The following DHX57 variants were observed in gnomAD, a reference collection of about 807,000 sequenced individuals.
DHX57 encodes putative ATP-dependent RNA helicase DHX57.
DHX57 carries 105 observed loss-of-function variants against 156.2 expected under a neutral mutation model. The ratio of observed to expected loss-of-function variants is 0.67; its 90% CI spans 0.57 to 0.79. DHX57 has a LOEUF of 0.79. Among genes scored for constraint, DHX57 ranks in the 30% least tolerant of loss-of-function variants. The pLI, the probability that DHX57 is intolerant of heterozygous loss-of-function variation, is 0.00. For missense variants in DHX57, 1,847 were observed against 1,661.9 expected (o/e 1.11, Z -1.94); for synonymous variants, 704 against 595.6 (o/e 1.18, Z -2.65).
intron 17 of DHX57, among the ~76,000 whole-genome samples, chr2:38,822,684 C>T (rs186363435): frequency 1.3e-5 from 2 of 152,290 alleles, no homozygotes; most frequent in Non-Finnish European, 2.9e-5. Context: ...CATAAGCCAC[C>T]GCGCTTGGCC....
At chr2:38,864,748 C>T (rs1664968832) in intron 2 of DHX57, among the ~76,000 whole-genome samples, 1 of 152,158 alleles carries the variant, frequency 6.6e-6, no homozygotes, top group Admixed American at 6.5e-5. Context: ...CATCTCTCCT[C>T]CCTCTAGCTC....
At chr2:38,842,875 G>T (rs1052936050) in intron 12 of DHX57, 130 bp downstream of exon 12, 1 of 928,344 alleles carries the variant, frequency 1.1e-6, no homozygotes, top group Admixed American at 2.5e-5. Flanking sequence ...TAGGTTTAAG[G>T]TTGCTCTGAT....
chr2:38,861,950 T>C (rs1385380615), intron 4 of DHX57, 113 bp from the exon 5 acceptor site: 6 of 1,288,312 alleles, frequency 4.7e-6, no homozygotes, highest in African/African-American at 1.5e-5. Flanking sequence ...TAGGCAGGGC[T>C]TGTATTTTGA....
intron 5 of DHX57, among the ~76,000 whole-genome samples, chr2:38,860,700 C>A (rs909116462): frequency 3.3e-5 from 5 of 152,134 alleles, no homozygotes; most frequent in Non-Finnish European, 7.4e-5. Context: ...TTAAATAAAA[C>A]AGATTTTCTG....
intron 3 of DHX57, chr2:38,862,794 T>A (rs2124934709): frequency 6.5e-6 from 1 of 154,342 alleles, no homozygotes; most frequent in South Asian, 2.1e-4. Flanking sequence ...TGCTACATAA[T>A]CTCCCTTTCT....
At chr2:38,845,969 G>A (rs1340741399) in intron 11 of DHX57, among the ~76,000 whole-genome samples, 1 of 151,206 alleles carries the variant, frequency 6.6e-6, no homozygotes, top group Admixed American at 6.6e-5. Flanking sequence ...AGGTTCAAGC[G>A]ATTCTCCTGC....
In DHX57 at chr2:38,862,299, G is replaced by T. The variant is rs140614624; in HGVS notation, c.418C>A (p.Pro140Thr). The change falls in exon 4 of 24, where the codon CCT becomes ACT. Residue 140 changes from proline to threonine, a missense_variant. Coordinates refer to ENST00000457308, the MANE Select transcript of DHX57 (RefSeq NM_198963.3). Reference sequence around the variant, plus strand: ...TACCGCTCATCGTTACAGCAATCAGGCTCATCATCTTCCTCCTCCCCAGAA... The same window carrying T: ...TACCGCTCATCGTTACAGCAATCAGTCTCATCATCTTCCTCCTCCCCAGAA... ...GLSGEEEDDE[P>T]DCCNDERYWP... is the part of the protein sequence containing the mutation. The T allele has an allele frequency of 3.4e-5, 55 of 1,598,824 alleles. No individual in the cohort carries two copies. The African/African-American group carries it at 5.8e-4, about 17-fold the overall frequency.
chr2:38,853,861 G>T, intron 9 of DHX57, 193 bp downstream of exon 9: 1 of 450,108 alleles, frequency 2.2e-6, no homozygotes, highest in Non-Finnish European at 4.0e-6. Context: ...TAAGTGATGA[G>T]CATGTGCTGT....
intron 3 of DHX57, chr2:38,862,572 C>G (rs530245682): frequency 1.3e-4 from 42 of 333,510 alleles, no homozygotes; most frequent in Non-Finnish European, 1.8e-4. Flanking sequence ...TTCCCAATAA[C>G]TGTACCAAAT....
At chr2:38,810,651 C>G (rs1670195960) in intron 21 of DHX57, 1 of 673,386 alleles carries the variant, frequency 1.5e-6, no homozygotes, top group Non-Finnish European at 2.8e-6. Context: ...CCACTCGGTC[C>G]TGGGACTTGG....
intron 1 of DHX57, among the ~76,000 whole-genome samples, chr2:38,870,560 A>G (rs1665303481): frequency 6.6e-6 from 1 of 152,228 alleles, no homozygotes; most frequent in Non-Finnish European, 1.5e-5. Flanking sequence ...GCAGAAGGTA[A>G]TGACATATAT....
At chr2:38,855,558 A>G (rs1396071167) in intron 7 of DHX57, among the ~76,000 whole-genome samples, 1 of 152,192 alleles carries the variant, frequency 6.6e-6, no homozygotes, top group Non-Finnish European at 1.5e-5. Flanking sequence ...ATGAACCCCA[A>G]AGAAAAGGAG....
intron 1 of DHX57, among the ~76,000 whole-genome samples, chr2:38,870,200 G>C (rs1302951732): frequency 3.9e-5 from 6 of 152,040 alleles, no homozygotes; most frequent in Non-Finnish European, 1.5e-5. Flanking sequence ...AAAGTGAACA[G>C]AGCCTTGGAA....
rs144349702 is a variant in DHX57 at position 38,818,891 on chromosome 2, C to T, written c.3457G>A (p.Gly1153Arg). 1.9e-4 allele frequency: 300 copies of T among 1,614,024 alleles called. 1 individual carries two copies. Among genetic ancestry groups the T allele is most frequent in the Non-Finnish European group, 2.4e-4 (283 of 1,180,032 alleles). ...YNYCRQNFLS[G>R]RVLQEMASLK... is the part of the protein sequence containing the mutation. ...ACACAACTCACCTGCAGAACTCTTC[C>T]AGACAAGAAGTTTTGTCTGCAGTAA... Residue 1153 changes from glycine (G) to arginine (R), a missense_variant, in exon 19 of 24, where the codon GGA becomes AGA. Gly to Arg is a moderately radical substitution (Grantham distance 125). Coordinates refer to ENST00000457308, the MANE Select transcript of DHX57 (RefSeq NM_198963.3).
Position 38,863,494 on chromosome 2 carries a change from C to G in DHX57, c.250G>C (p.Gly84Arg). ...SRPSNSNISK[G>R]ESRPKWKPKA... ...GGTTTCCATTTTGGGCGTGACTCTC[C>G]TTTGCTTATGTTACTGTTGCTAGGT... Residue 84 changes from glycine to arginine, a missense_variant, in exon 3 of 24, where the codon GGA becomes CGA. By Grantham distance (125) the Gly-to-Arg change is moderately radical (BLOSUM62 -2). Coordinates refer to ENST00000457308, the MANE Select transcript of DHX57 (RefSeq NM_198963.3). 4 of 1,613,954 alleles carry G rather than the reference C, an allele frequency of 2.5e-6. No homozygotes were observed. Among genetic ancestry groups the G allele is most frequent in the Non-Finnish European group, 3.4e-6 (4 of 1,179,986 alleles).
intron 19 of DHX57, 176 bp from the exon 20 acceptor site, chr2:38,815,831 C>T: frequency 2.7e-6 from 2 of 746,748 alleles, no homozygotes; most frequent in Non-Finnish European, 4.2e-6. Flanking sequence ...AAGCAGCTTT[C>T]ACTTACGCAA....
chr2:38,817,788 C>T (rs2148550982), intron 19 of DHX57, among the ~76,000 whole-genome samples: 1 of 152,230 alleles, frequency 6.6e-6, no homozygotes, highest in South Asian at 2.1e-4. Context: ...GTCTTGACCT[C>T]CCAGGCTCAA....
At chr2:38,863,588 TC>T in intron 2 of DHX57, 69 bp from the exon 3 acceptor site, 2 of 1,449,980 alleles carry the variant, frequency 1.4e-6, no homozygotes, top group South Asian at 1.3e-5. Flanking sequence ...TCCTCAGGGG[TC>T]CCCAGATATA....
chr2:38,843,812 A>G lies in DHX57; in HGVS notation c.2220-602T>C, dbSNP rs960238619. ...CTGCCATGAGACTTCTAACAAGTCA[A>G]TTTCAAAAGGCTTTACTTTCTCATG... On this transcript the variant is annotated intron_variant, in intron 11 of 23. Transcript: ENST00000457308. 3.9e-5 allele frequency among the ~76,000 whole-genome samples: 6 copies of G among 152,342 alleles called. No homozygotes were observed. In the South Asian group the frequency reaches 1.0e-3, roughly 26 times the overall value.
Sources: allele counts gnomAD v4.1 joint callset (sites outside exome capture counted in the v4.1 genomes callset), GRCh38; gene constraint gnomAD v4.1.1; transcripts MANE v1.5; gene names NCBI Gene and HGNC (gene_info 2026-07-23, HGNC 2026-07-21).